The following BIRC6 variants were observed in gnomAD, a reference collection of about 807,000 sequenced individuals.
BIRC6 encodes dual E2 ubiquitin-conjugating enzyme/E3 ubiquitin-protein ligase BIRC6.
A neutral mutation model predicts 503.3 loss-of-function variants in BIRC6; 98 were observed. That is an observed-to-expected ratio of 0.19 (90% CI 0.17 to 0.23). The LOEUF is 0.23. BIRC6 is among the 10% of genes least tolerant of loss of function. The pLI is 1.00. For synonymous variants in BIRC6, 2,240 were observed against 2,078.7 expected (o/e 1.08, Z -2.11); for missense variants, 5,360 against 5,806.0 (o/e 0.92, Z 2.50).
chr2:32,376,707 G>A (rs1054623593), intron 1 of BIRC6, among the ~76,000 whole-genome samples: 1 of 152,078 alleles, frequency 6.6e-6, no homozygotes, highest in Non-Finnish European at 1.5e-5. Flanking sequence ...GTTCAAACTT[G>A]TATGGTTCGA....
At chr2:32,484,813 G>A (rs1231638949) in intron 39 of BIRC6, among the ~76,000 whole-genome samples, 1 of 152,140 alleles carries the variant, frequency 6.6e-6, no homozygotes, top group African/African-American at 2.4e-5. Flanking sequence ...TGAGATTACA[G>A]CATGCTGTAC....
intron 66 of BIRC6, chr2:32,590,677 A>C: frequency 2.0e-6 from 1 of 508,392 alleles, no homozygotes; most frequent in Non-Finnish European, 2.5e-6. Context: ...TACTTCAGAT[A>C]TGTGTCACAG....
At chr2:32,397,119 G>A (rs912846780) in intron 6 of BIRC6, among the ~76,000 whole-genome samples, 1 of 152,126 alleles carries the variant, frequency 6.6e-6, no homozygotes, top group Non-Finnish European at 1.5e-5. Context: ...ATATCTTACT[G>A]TACTGTACTC....
chr2:32,449,285 G>C (rs74543808), intron 22 of BIRC6: 4,291 of 161,558 alleles, frequency 0.027, 110 homozygotes, highest in African/African-American at 0.073. Context: ...AGTTAAAAAA[G>C]ATTTCCTATT....
chr2:32,415,325 G>T lies in BIRC6; in HGVS notation c.2034G>T (p.Leu678Phe). The change falls in exon 10 of 74, where the codon TTG (leucine) becomes TTT (phenylalanine). Residue 678 changes from leucine to phenylalanine, a missense_variant. By Grantham distance (22) the Leu-to-Phe change is conservative. This residue lies in a region of BIRC6 where 700 missense variants were observed against 739.3 expected (regional missense o/e 0.95). Transcript: ENST00000421745. ...IEMELDSQEQ[L>F]LLQDPPVTYI... Reference sequence around the variant, plus strand: ...TGGAGCTGGATAGTCAGGAGCAGTTGTTATTGCAGGATCCTCCTGTGACTT... The same window carrying T: ...TGGAGCTGGATAGTCAGGAGCAGTTTTTATTGCAGGATCCTCCTGTGACTT... 1.9e-6 allele frequency: 3 copies of T among 1,614,026 alleles called. No homozygotes were observed. Among genetic ancestry groups the T allele is most frequent in the Non-Finnish European group, 2.5e-6 (3 of 1,179,888 alleles).
intron 1 of BIRC6, among the ~76,000 whole-genome samples, chr2:32,372,719 A>C (rs62136269): frequency 0.083 from 12,601 of 152,050 alleles, 667 homozygotes; most frequent in Admixed American, 0.16. Flanking sequence ...AGTCCCAGCT[A>C]CTTGGGAGGC....
At chr2:32,496,967 A>T (rs2052555237) in intron 45 of BIRC6, among the ~76,000 whole-genome samples, 1 of 152,166 alleles carries the variant, frequency 6.6e-6, no homozygotes, top group Non-Finnish European at 1.5e-5. Flanking sequence ...TTAAGATCTT[A>T]TGAAACATTG....
chr2:32,395,849 A>G (rs1288530855), intron 6 of BIRC6, among the ~76,000 whole-genome samples: 1 of 152,196 alleles, frequency 6.6e-6, no homozygotes, highest in Admixed American at 6.5e-5. Context: ...AAAACCGGAA[A>G]GCTATGGTAA....
At chr2:32,463,493 G>A in intron 24 of BIRC6, 112 bp downstream of exon 24, 3 of 1,083,948 alleles carry the variant, frequency 2.8e-6, no homozygotes, top group South Asian at 2.1e-5. Flanking sequence ...ACTGATCTGA[G>A]CTAATCAGTT....
At chr2:32,422,522 A>AT (rs1165907190) in intron 10 of BIRC6, among the ~76,000 whole-genome samples, 1 of 152,154 alleles carries the variant, frequency 6.6e-6, no homozygotes, top group African/African-American at 2.4e-5. Context: ...GATATCTTGC[A>AT]TCTATGAATG....
At chr2:32,451,329 AGT>A (rs2046707730) in intron 22 of BIRC6, among the ~76,000 whole-genome samples, 1 of 152,104 alleles carries the variant, frequency 6.6e-6, no homozygotes, top group Non-Finnish European at 1.5e-5. Context: ...TGATTCTCAA[AGT>A]GTGTTCTATA....
chr2:32,476,818 C>G lies in BIRC6; in HGVS notation c.6852+474C>G, dbSNP rs1282979190. Among the ~76,000 whole-genome samples, 5 of 152,204 alleles carry G rather than the reference C, an allele frequency of 3.3e-5. No homozygotes were observed. In the East Asian group the frequency reaches 7.7e-4, roughly 23 times the overall value. ...TGGGTCCAGTGGTGCTCACAAGGCT[C>G]AAATGTAGTATGTCTTTTGTAAGTG... is the stretch of plus-strand genomic sequence containing the variant. On this transcript the variant is annotated intron_variant, in intron 34 of 73. Coordinates refer to ENST00000421745, the MANE Select transcript of BIRC6 (RefSeq NM_016252.4).
At chr2:32,614,484 A>C (rs944096271) in intron 73 of BIRC6, among the ~76,000 whole-genome samples, 7 of 152,202 alleles carry the variant, frequency 4.6e-5, no homozygotes, top group African/African-American at 1.7e-4. Flanking sequence ...GAATTAATCC[A>C]AATTTATATC....
chr2:32,376,137 G>A (rs2036740354), intron 1 of BIRC6, among the ~76,000 whole-genome samples: 1 of 146,062 alleles, frequency 6.8e-6, no homozygotes, highest in Non-Finnish European at 1.5e-5. Flanking sequence ...AGTGAGCCGA[G>A]ATCATGCCAC....
chr2:32,594,155 A>G (rs994987721), intron 67 of BIRC6, 95 bp downstream of exon 67: 1 of 1,376,622 alleles, frequency 7.3e-7, no homozygotes, highest in Non-Finnish European at 9.8e-7. Context: ...CTTTATGTTA[A>G]TGATTTTAAA....
intron 64 of BIRC6, 55 bp from the exon 65 acceptor site, chr2:32,549,258 A>T: frequency 7.8e-7 from 1 of 1,280,832 alleles, no homozygotes; most frequent in Non-Finnish European, 1.0e-6. Flanking sequence ...AACCTACAAT[A>T]AAAACTTTTG....
At chr2:32,486,692 T>A (rs746415219) in intron 40 of BIRC6, among the ~76,000 whole-genome samples, 3 of 152,230 alleles carry the variant, frequency 2.0e-5, no homozygotes, top group Non-Finnish European at 4.4e-5. Flanking sequence ...TAGAGAAATT[T>A]GAGTTTTTAC....
chr2:32,385,883 A>G (rs1484413010), intron 3 of BIRC6, among the ~76,000 whole-genome samples: 1 of 60,950 alleles, frequency 1.6e-5, no homozygotes, highest in Non-Finnish European at 3.8e-5. Context: ...GGTTGGTGTT[A>G]CAAGTTGGAG....
chr2:32,508,069 T>C lies in BIRC6; in HGVS notation c.9790T>C (p.Tyr3264His), dbSNP rs764847636. 8.1e-6 allele frequency: 13 copies of C among 1,613,924 alleles called. No individual in the cohort carries two copies. The highest frequency in any genetic ancestry group is 1.1e-5 in the Non-Finnish European group (13 of 1,179,870). Reference sequence around the variant, plus strand: ...TCCTGTTGTCACAAGTGGCCTCACCTACATAAAAATTCAGCTTGTAAAAGC... The same window carrying C: ...TCCTGTTGTCACAAGTGGCCTCACCCACATAAAAATTCAGCTTGTAAAAGC... Reference protein sequence around the residue: ...STPVVTSGLTYIKIQLVKAEV... With the variant: ...STPVVTSGLTHIKIQLVKAEV... The change falls in exon 51 of 74, where the codon TAC (tyrosine) becomes CAC (histidine). Residue 3264 changes from tyrosine (Y) to histidine (H), a missense_variant. Around this residue, in one of 16 missense-constraint regions of BIRC6, gnomAD observed 62 missense variants for 107.4 expected, o/e 0.58. Transcript: ENST00000421745.
Sources: allele counts gnomAD v4.1 joint callset (sites outside exome capture counted in the v4.1 genomes callset), GRCh38; gene constraint gnomAD v4.1.1; regional missense constraint gnomAD v4.1.1; transcripts MANE v1.5; gene names NCBI Gene and HGNC (gene_info 2026-07-23, HGNC 2026-07-21).